SLC35F4: variants seen among roughly 807,000 people sequenced by gnomAD.
SLC35F4 encodes the protein solute carrier family 35 member F4, also known as chromosome 14 open reading frame 36.
In SLC35F4, 24 loss-of-function variants were observed where a neutral mutation model predicts 44.2. That is an observed-to-expected ratio of 0.54 (90% CI 0.39 to 0.76). SLC35F4 has a LOEUF of 0.76. Ranked by LOEUF, SLC35F4 falls within the 30% of genes least tolerant of loss-of-function variation. The pLI, the probability that SLC35F4 is intolerant of heterozygous loss-of-function variation, is 0.00. For missense variants in SLC35F4, 562 were observed against 586.1 expected (o/e 0.96, Z 0.42); for synonymous variants, 238 against 223.6 (o/e 1.06, Z -0.57).
chr14:57,580,991 T>C (rs2069211141), intron 4 of SLC35F4: 1 of 387,228 alleles, frequency 2.6e-6, no homozygotes, highest in East Asian at 3.9e-5. Flanking sequence ...TTTTAGTGCC[T>C]CCTGTTGGAA....
At chr14:57,779,670 G>C (rs2077571161) in intron 1 of SLC35F4, among the ~76,000 whole-genome samples, 1 of 152,092 alleles carries the variant, frequency 6.6e-6, no homozygotes, top group Admixed American at 6.6e-5. Context: ...GAACATTGAT[G>C]CAAAAACCTT....
intron 1 of SLC35F4, among the ~76,000 whole-genome samples, chr14:57,938,298 T>G (rs1177080480): frequency 3.3e-5 from 5 of 151,598 alleles, no homozygotes; most frequent in African/African-American, 1.2e-4. Context: ...AGGGGTAATA[T>G]AAGAAGTAGT....
intron 1 of SLC35F4, among the ~76,000 whole-genome samples, chr14:57,933,839 C>T (rs1055248134): frequency 1.3e-5 from 2 of 151,868 alleles, no homozygotes; most frequent in East Asian, 3.9e-4. Flanking sequence ...GAAACAGCAC[C>T]AATTATCTTT....
downstream of SLC35F4, among the ~76,000 whole-genome samples, chr14:57,975,685 C>A (rs1881194744): frequency 6.6e-6 from 1 of 152,194 alleles, no homozygotes; most frequent in Admixed American, 6.5e-5. Flanking sequence ...AGAAAACATT[C>A]TCTTCATTAA....
intron 1 of SLC35F4, among the ~76,000 whole-genome samples, chr14:57,826,152 G>A (rs1396544535): frequency 6.6e-6 from 1 of 152,116 alleles, no homozygotes; most frequent in Non-Finnish European, 1.5e-5. Context: ...CATGGTACTG[G>A]TACAAAAACA....
intron 1 of SLC35F4, among the ~76,000 whole-genome samples, chr14:57,716,180 G>C (rs1025816970): frequency 1.2e-4 from 18 of 152,126 alleles, no homozygotes; most frequent in African/African-American, 3.9e-4. Context: ...ATTAGGGGAG[G>C]GGGCATGGAC....
intron 1 of SLC35F4, among the ~76,000 whole-genome samples, chr14:57,624,007 C>T (rs748000641): frequency 6.6e-5 from 10 of 152,034 alleles, no homozygotes; most frequent in Non-Finnish European, 1.3e-4. Context: ...TCAATGAATC[C>T]AGGAGCTGGT....
At chr14:57,871,644 T>G (rs1160012523) in intron 1 of SLC35F4, among the ~76,000 whole-genome samples, 1 of 152,216 alleles carries the variant, frequency 6.6e-6, no homozygotes, top group Non-Finnish European at 1.5e-5. Context: ...GTTTGCCAAA[T>G]AGTCATGGTT....
At chr14:57,813,874 G>A (rs1352639209) in intron 1 of SLC35F4, among the ~76,000 whole-genome samples, 2 of 152,158 alleles carry the variant, frequency 1.3e-5, no homozygotes, top group East Asian at 1.9e-4. Context: ...TCATGGTGGT[G>A]CAAATTCCCT....
At chr14:57,891,828 A>T (rs976423746) in intron 1 of SLC35F4, among the ~76,000 whole-genome samples, 1 of 152,190 alleles carries the variant, frequency 6.6e-6, no homozygotes, top group Non-Finnish European at 1.5e-5. Flanking sequence ...GTGAGCCAAG[A>T]TCATGCCACT....
intron 3 of SLC35F4, among the ~76,000 whole-genome samples, chr14:57,586,898 T>C (rs1039091805): frequency 6.6e-6 from 1 of 151,270 alleles, no homozygotes; most frequent in Admixed American, 6.6e-5. Context: ...TTTTGCAATC[T>C]ACCCTTCTGA....
At chr14:57,920,292 AG>A (rs1889417182) in intron 1 of SLC35F4, among the ~76,000 whole-genome samples, 1 of 152,220 alleles carries the variant, frequency 6.6e-6, no homozygotes, top group Non-Finnish European at 1.5e-5. Flanking sequence ...CATAAAAATC[AG>A]GCCAGTTGCA....
intron 1 of SLC35F4, among the ~76,000 whole-genome samples, chr14:57,670,014 T>C (rs1242833515): frequency 1.3e-5 from 2 of 152,136 alleles, no homozygotes; most frequent in Non-Finnish European, 2.9e-5. Flanking sequence ...CAGAGCCTGT[T>C]ATTGGTCTAT....
Position 57,756,307 on chromosome 14 carries a change from A to C in SLC35F4, c.103+109416T>G, listed in dbSNP as rs1351934569. ...ATTTCATTCAGTGCAAATTTCAAAG[A>C]AGACATTTTTGATCTATGGTTTTCT... On this transcript the variant is annotated intron_variant, in intron 1 of 7. Transcript: ENST00000556826. 2.0e-5 allele frequency among the ~76,000 whole-genome samples: 3 copies of C among 152,184 alleles called. No individual in the cohort carries two copies. In the East Asian group the frequency reaches 5.8e-4, roughly 29 times the overall value.
chr14:57,622,011 A>G (rs1422107907), intron 1 of SLC35F4, among the ~76,000 whole-genome samples: 1 of 151,316 alleles, frequency 6.6e-6, no homozygotes, highest in Non-Finnish European at 1.5e-5. Flanking sequence ...GGCGAACGAC[A>G]TGAACAGACA....
intron 1 of SLC35F4, among the ~76,000 whole-genome samples, chr14:57,864,818 C>T (rs375925849): frequency 9.8e-5 from 15 of 152,314 alleles, no homozygotes; most frequent in African/African-American, 3.4e-4. Context: ...GCTACTCCTC[C>T]AATTCGAAGA....
chr14:57,696,676 T>A (rs768407130), intron 1 of SLC35F4, among the ~76,000 whole-genome samples: 4 of 152,180 alleles, frequency 2.6e-5, no homozygotes, highest in African/African-American at 4.8e-5. Context: ...CAAATGCCCA[T>A]CAATGATAGA....
At position 57,828,327 on chromosome 14, in the gene SLC35F4, A is replaced by G. The variant is rs1884007516; in HGVS notation, c.103+37396T>C. ...GTTCTCTCAGGACTGAAACCACCAC[A>G]TCAGAAAAAGCTATGAGCATAGTCA... is the stretch of plus-strand genomic sequence containing the variant. On this transcript the variant is annotated intron_variant, in intron 1 of 7. Transcript: ENST00000556826. 2.0e-5 allele frequency among the ~76,000 whole-genome samples: 3 copies of G among 152,178 alleles called. No individual in the cohort carries two copies. In the South Asian group the frequency reaches 6.2e-4, roughly 31 times the overall value.
chr14:57,761,029 A>G (rs953852577), intron 1 of SLC35F4, among the ~76,000 whole-genome samples: 3 of 152,048 alleles, frequency 2.0e-5, no homozygotes, highest in South Asian at 2.1e-4. Context: ...TCTTCACCTC[A>G]GGGAATCAGA....
Sources: gnomAD v4.1 joint callset for allele counts (sites outside exome capture counted in the v4.1 genomes callset) on GRCh38, gnomAD v4.1.1 for gene constraint, MANE v1.5 for transcripts, NCBI Gene and HGNC (gene_info 2026-07-23, HGNC 2026-07-21) for gene names.